The following FSTL5 variants were observed in gnomAD, a reference collection of about 807,000 sequenced individuals.
The protein encoded by FSTL5 is follistatin like 5.
FSTL5 carries 62 observed loss-of-function variants against 89.1 expected under a neutral mutation model. The ratio of observed to expected loss-of-function variants is 0.70; its 90% CI spans 0.57 to 0.86. FSTL5 has a LOEUF of 0.86. Among genes scored for constraint, FSTL5 ranks in the 40% least tolerant of loss-of-function variants. The probability of loss-of-function intolerance (pLI) is 0.00; values close to 1 mark genes in which losing one functional copy is unlikely to be tolerated. For missense variants in FSTL5, 1,057 were observed against 1,001.6 expected (o/e 1.06, Z -0.75); for synonymous variants, 383 against 346.2 (o/e 1.11, Z -1.18).
chr4:161,800,776 A>T (rs1729766334), intron 4 of FSTL5, among the ~76,000 whole-genome samples: 1 of 151,606 alleles, frequency 6.6e-6, no homozygotes, highest in Non-Finnish European at 1.5e-5. Context: ...AAACTGTGTA[A>T]GTAGTTATAA....
At chr4:161,944,804 T>C (rs1734692730) in intron 3 of FSTL5, among the ~76,000 whole-genome samples, 1 of 151,800 alleles carries the variant, frequency 6.6e-6, no homozygotes, top group Non-Finnish European at 1.5e-5. Context: ...ATTTATAATT[T>C]TGTTTGTTTT....
At chr4:162,117,044 A>G (rs191479464) in intron 1 of FSTL5, among the ~76,000 whole-genome samples, 1 of 152,362 alleles carries the variant, frequency 6.6e-6, no homozygotes, top group Non-Finnish European at 1.5e-5. Flanking sequence ...GTACTAAACT[A>G]GTACCCACAG....
intron 6 of FSTL5, among the ~76,000 whole-genome samples, chr4:161,730,188 C>G (rs927336117): frequency 2.0e-5 from 3 of 151,982 alleles, no homozygotes; most frequent in African/African-American, 7.2e-5. Context: ...CTTGTTTGCA[C>G]TTTATATGAC....
chr4:161,942,257 G>A (rs2110926592), intron 3 of FSTL5, among the ~76,000 whole-genome samples: 1 of 151,106 alleles, frequency 6.6e-6, no homozygotes, highest in East Asian at 2.0e-4. Context: ...TCCAGTAGAT[G>A]GAAAGAAATA....
chr4:161,441,908 C>T (rs1020584630), intron 15 of FSTL5, among the ~76,000 whole-genome samples: 6 of 152,088 alleles, frequency 3.9e-5, no homozygotes, highest in Non-Finnish European at 5.9e-5. Context: ...CAAACATAAG[C>T]ACAACTTAAC....
In FSTL5 at chr4:161,700,121, A is replaced by T. The variant is rs544231404; in HGVS notation, c.728-43627T>A. 2.4e-4 allele frequency among the ~76,000 whole-genome samples: 37 copies of T among 152,342 alleles called. No homozygotes were observed. In the South Asian group the frequency reaches 3.5e-3, roughly 15 times the overall value. On this transcript the variant is annotated intron_variant, in intron 6 of 15. Transcript: ENST00000306100. ...AATAGCACATGAGTACATATTGCTT[A>T]CCATATGCTTGTAACTATTTTAATA...
chr4:161,950,027 A>G (rs1253138826), intron 3 of FSTL5, among the ~76,000 whole-genome samples: 2 of 152,094 alleles, frequency 1.3e-5, no homozygotes, highest in Non-Finnish European at 1.5e-5. Flanking sequence ...AATTAATAAG[A>G]TAAATAATAT....
At chr4:162,028,961 T>C (rs1158174701) in intron 3 of FSTL5, among the ~76,000 whole-genome samples, 2 of 152,174 alleles carry the variant, frequency 1.3e-5, no homozygotes, top group African/African-American at 4.8e-5. Flanking sequence ...ATTCCAGATT[T>C]GGAGTTCACT....
At chr4:161,812,085 A>G (rs1730167126) in intron 4 of FSTL5, among the ~76,000 whole-genome samples, 1 of 152,208 alleles carries the variant, frequency 6.6e-6, no homozygotes, top group Admixed American at 6.5e-5. Flanking sequence ...TTTTTATATT[A>G]AAGTACATAA....
intron 7 of FSTL5, among the ~76,000 whole-genome samples, chr4:161,599,987 C>T (rs1734166629): frequency 6.6e-6 from 1 of 151,936 alleles, no homozygotes; most frequent in Admixed American, 6.6e-5. Context: ...ATATTTTACA[C>T]ATAAAGAAAC....
rs1433673352 is a variant in FSTL5, at chr4:161,680,698, T to C, written c.728-24204A>G. ...AAGGAATAATTTAGGGAAATAATTA[T>C]AGTAAAATATATTTTTTTATATGCC... On this transcript the variant is annotated intron_variant, in intron 6 of 15. Transcript: ENST00000306100. Among the ~76,000 whole-genome samples, 3 of 151,874 alleles carry C rather than the reference T, an allele frequency of 2.0e-5. No homozygotes were observed. The South Asian group carries it at 6.2e-4, about 32-fold the overall frequency.
intron 1 of FSTL5, among the ~76,000 whole-genome samples, chr4:162,143,922 T>A (rs192818907): frequency 5.7e-4 from 87 of 152,114 alleles, no homozygotes; most frequent in African/African-American, 2.0e-3. Flanking sequence ...ATAACAGAAG[T>A]ACAAACATTA....
chr4:161,868,019 A>G (rs1732146120), intron 4 of FSTL5, among the ~76,000 whole-genome samples: 1 of 152,180 alleles, frequency 6.6e-6, no homozygotes, highest in African/African-American at 2.4e-5. Context: ...AAATGTATCT[A>G]CAGTATGCTC....
At chr4:162,097,292 T>C (rs2111372974) in intron 2 of FSTL5, among the ~76,000 whole-genome samples, 1 of 151,842 alleles carries the variant, frequency 6.6e-6, no homozygotes, top group South Asian at 2.1e-4. Flanking sequence ...AATGAAATGC[T>C]AGCGAAATAA....
intron 3 of FSTL5, among the ~76,000 whole-genome samples, chr4:162,002,521 C>T (rs1004273120): frequency 9.9e-5 from 15 of 152,092 alleles, no homozygotes; most frequent in South Asian, 4.1e-4. Context: ...GTTGGCAGTC[C>T]TATTGACCAA....
intron 3 of FSTL5, among the ~76,000 whole-genome samples, chr4:161,998,584 A>C (rs1397787304): frequency 6.6e-6 from 1 of 152,132 alleles, no homozygotes; most frequent in Non-Finnish European, 1.5e-5. Flanking sequence ...CTATTCCAAC[A>C]ATATTGAATG....
intron 1 of FSTL5, among the ~76,000 whole-genome samples, chr4:162,114,891 C>T (rs573333767): frequency 4.6e-5 from 7 of 152,146 alleles, no homozygotes; most frequent in Admixed American, 4.6e-4. Context: ...CCTAAGATTT[C>T]CAAGTCCCAA....
chr4:161,625,607 A>G (rs1380826560), intron 7 of FSTL5, among the ~76,000 whole-genome samples: 1 of 152,134 alleles, frequency 6.6e-6, no homozygotes, highest in Non-Finnish European at 1.5e-5. Flanking sequence ...TAGGCCAACA[A>G]TAGCCTTACA....
chr4:161,602,217 CAG>C (rs145511967), intron 7 of FSTL5, among the ~76,000 whole-genome samples: 2 of 143,256 alleles, frequency 1.4e-5, no homozygotes, highest in South Asian at 4.5e-4. Context: ...CATGCACACA[CAG>C]AGAGAGAGTG....
Sources: gnomAD v4.1 joint callset for allele counts (sites outside exome capture counted in the v4.1 genomes callset) on GRCh38, gnomAD v4.1.1 for gene constraint, MANE v1.5 for transcripts, NCBI Gene and HGNC (gene_info 2026-07-23, HGNC 2026-07-21) for gene names.